ARL13B: variants seen among roughly 807,000 people sequenced by gnomAD.
The protein encoded by ARL13B is ADP-ribosylation factor-like protein 13B.
ARL13B carries 36 observed loss-of-function variants against 56.1 expected under a neutral mutation model. The observed-to-expected ratio is 0.64, with a 90% confidence interval of 0.49 to 0.85. ARL13B has a LOEUF of 0.85. ARL13B is among the 40% of genes least tolerant of loss of function. The probability of loss-of-function intolerance (pLI) is 0.00; values close to 1 mark genes in which losing one functional copy is unlikely to be tolerated. For synonymous variants in ARL13B, 178 were observed against 171.1 expected (o/e 1.04, Z -0.32); for missense variants, 519 against 507.1 (o/e 1.02, Z -0.23).
chr3:93,981,703 G>A (rs1710223842), intron 1 of ARL13B, among the ~76,000 whole-genome samples: 1 of 151,612 alleles, frequency 6.6e-6, no homozygotes, highest in Non-Finnish European at 1.5e-5. Context: ...TCAATATGGC[G>A]AAACCCCGTT....
rs775916770 is a variant in ARL13B, at chr3:94,014,825, A to G, written c.380+10917A>G. On this transcript the variant is annotated intron_variant, in intron 3 of 9. Transcript: ENST00000394222. Reference sequence around the variant, plus strand: ...GCTGCTATTGTGTCATTGTATATAAACATGATTTGCTGAAAATGGCGGAAC... The same window carrying G: ...GCTGCTATTGTGTCATTGTATATAAGCATGATTTGCTGAAAATGGCGGAAC... The G allele has an allele frequency of 8.7e-6, 14 of 1,614,114 alleles. No individual in the cohort carries two copies. The highest frequency in any genetic ancestry group is 1.2e-5 in the Non-Finnish European group (14 of 1,179,984).
chr3:94,055,626 C>G lies in ARL13B; in HGVS notation c.*2363C>G, dbSNP rs146137797. The G allele has an allele frequency of 6.0e-3, 2,737 of 453,658 alleles. 15 individuals are homozygous for G. The highest frequency in any genetic ancestry group is 8.4e-3 in the Non-Finnish European group (1,902 of 226,572). The allele number at this position is 453,658 out of a possible 1,614,324, so 28.1% of individuals were successfully genotyped here. A position where few individuals can be genotyped will look rare whatever the true frequency, so the allele number is the denominator to read the frequency against. ...TGTAAAATGCATATTACGTAGTATA[C>G]ATGATATTGTATGTAACTGACTTCA... On this transcript the variant is annotated 3_prime_UTR_variant, in exon 10 of 10. Transcript: ENST00000394222.
chr3:94,047,116 A>T (rs2076996502), intron 7 of ARL13B, among the ~76,000 whole-genome samples: 1 of 152,228 alleles, frequency 6.6e-6, no homozygotes, highest in African/African-American at 2.4e-5. Context: ...AGTGTCAGCC[A>T]CATGAGATGC....
chr3:94,010,545 A>T (rs747956501), intron 3 of ARL13B, among the ~76,000 whole-genome samples: 1 of 151,846 alleles, frequency 6.6e-6, no homozygotes, highest in Non-Finnish European at 1.5e-5. Flanking sequence ...TCTTTTAATA[A>T]TTTTTTCCCT....
At chr3:94,041,287 A>G (rs532423021) in intron 6 of ARL13B, among the ~76,000 whole-genome samples, 9 of 152,304 alleles carry the variant, frequency 5.9e-5, no homozygotes, top group South Asian at 4.1e-4. Context: ...TGAGCATTTT[A>G]GTACAAGATA....
At chr3:94,046,329 T>A (rs2076984158) in intron 7 of ARL13B, among the ~76,000 whole-genome samples, 1 of 152,054 alleles carries the variant, frequency 6.6e-6, no homozygotes, top group South Asian at 2.1e-4. Context: ...CTGCTTTATA[T>A]CATTTATATT....
At chr3:94,039,289 A>G (rs1187448874) in intron 5 of ARL13B, among the ~76,000 whole-genome samples, 4 of 152,134 alleles carry the variant, frequency 2.6e-5, no homozygotes, top group African/African-American at 9.7e-5. Context: ...TCACAGGGTC[A>G]GGAGATCGAG....
At chr3:94,052,095 C>T (rs1244396862) in intron 9 of ARL13B, among the ~76,000 whole-genome samples, 1 of 151,830 alleles carries the variant, frequency 6.6e-6, no homozygotes, top group Non-Finnish European at 1.5e-5. Context: ...AACTTGTGTA[C>T]GTTAGAATAC....
intron 3 of ARL13B, chr3:94,014,728 T>C (rs1330274671): frequency 1.2e-6 from 2 of 1,613,012 alleles, no homozygotes; most frequent in Admixed American, 3.3e-5. Context: ...ATCATTTACA[T>C]CTTCTTCAGA....
chr3:94,035,442 G>GTTTT lies in ARL13B; in HGVS notation c.486+19_486+22dup. 29 of 1,284,980 alleles carry GTTTT rather than the reference G, an allele frequency of 2.3e-5. No homozygotes were observed. The highest frequency in any genetic ancestry group is 5.1e-5 in the East Asian group (2 of 39,078). 79.6% of individuals were successfully genotyped at this position (1,284,980 alleles called of 1,614,324 possible). On this transcript the variant is annotated splice_region_variant and intron_variant, in intron 4 of 9. Transcript: ENST00000394222. The stretch of plus-strand genomic sequence containing the variant: ...ACAAGTGCCTGTGTCAGATAGTAAG[G>GTTTT]TTTTTTTTTTTTTTTTAATTTTAAT...
At chr3:94,050,265 C>A (rs1284529332) in intron 8 of ARL13B, among the ~76,000 whole-genome samples, 1 of 151,826 alleles carries the variant, frequency 6.6e-6, no homozygotes, top group African/African-American at 2.4e-5. Context: ...AATATACATA[C>A]CCATGTCCTA....
intron 2 of ARL13B, among the ~76,000 whole-genome samples, chr3:94,003,415 AC>A (rs1273154819): frequency 1.3e-5 from 2 of 152,184 alleles, no homozygotes; most frequent in African/African-American, 2.4e-5. Context: ...ACAGATACTT[AC>A]TAAGTACCTA....
chr3:94,049,410 T>A lies in ARL13B; in HGVS notation c.1029T>A (p.Asn343Lys). The A allele has an allele frequency of 6.3e-7, 1 of 1,576,822 alleles. No homozygotes were observed. The highest frequency in any genetic ancestry group is 1.4e-5 in the African/African-American group (1 of 73,932). Residue 343 changes from asparagine to lysine, a missense_variant, in exon 8 of 10, where the codon AAT (asparagine) becomes AAA (lysine). Transcript: ENST00000394222. Reference sequence around the variant, plus strand: ...TTCATGTTTATATTCTTGTAGCTAATGGTAAAAAGAAAACTAAGAAACTAA... The same window carrying A: ...TTCATGTTTATATTCTTGTAGCTAAAGGTAAAAAGAAAACTAAGAAACTAA... The part of the protein sequence containing the change: ...ETDRPSLESA[N>K]GKKKTKKLRM...
At chr3:93,982,591 A>AT (rs1453547649) in intron 1 of ARL13B, among the ~76,000 whole-genome samples, 1 of 152,216 alleles carries the variant, frequency 6.6e-6, no homozygotes, top group African/African-American at 2.4e-5. Flanking sequence ...AAAAAATGAG[A>AT]TTACTAGAGA....
chr3:94,053,443 T>TA lies in ARL13B; in HGVS notation c.*187dup, dbSNP rs1206552826. On this transcript the variant is annotated 3_prime_UTR_variant, in exon 10 of 10. Coordinates refer to ENST00000394222, the MANE Select transcript of ARL13B (RefSeq NM_001174150.2). The stretch of plus-strand genomic sequence containing the variant: ...ATTACTTATTTGTGTTTTTCATGGT[T>TA]AAAAAAATAAAAGAAGCACAATGAC... The TA allele has an allele frequency of 2.8e-6, 2 of 708,322 alleles. No individual in the cohort carries two copies. The highest frequency in any genetic ancestry group is 2.0e-5 in the Admixed American group (1 of 49,558). 43.9% of individuals were successfully genotyped at this position (708,322 alleles called of 1,614,324 possible). A position where few individuals can be genotyped will look rare whatever the true frequency, so the allele number is the denominator to read the frequency against.
chr3:94,032,645 T>C (rs541180692), intron 3 of ARL13B, among the ~76,000 whole-genome samples: 6 of 152,070 alleles, frequency 3.9e-5, no homozygotes, highest in Non-Finnish European at 8.8e-5. Context: ...TACAGGCGCC[T>C]GCCACCACGC....
chr3:94,002,279 C>G (rs535334359), intron 2 of ARL13B, among the ~76,000 whole-genome samples: 3 of 152,200 alleles, frequency 2.0e-5, no homozygotes, highest in Non-Finnish European at 2.9e-5. Flanking sequence ...GTTACCCAGA[C>G]TAGTCTCAAA....
chr3:93,982,947 C>T (rs1710289326), intron 1 of ARL13B, among the ~76,000 whole-genome samples: 1 of 152,020 alleles, frequency 6.6e-6, no homozygotes, highest in South Asian at 2.1e-4. Flanking sequence ...ATGGTGTTCT[C>T]TATTTTTTCA....
At chr3:93,989,951 T>A (rs993471567) in intron 1 of ARL13B, among the ~76,000 whole-genome samples, 4 of 152,154 alleles carry the variant, frequency 2.6e-5, no homozygotes, top group African/African-American at 9.7e-5. Context: ...TCTGGAAAGG[T>A]TACATCATTA....
Sources: allele counts gnomAD v4.1 joint callset (sites outside exome capture counted in the v4.1 genomes callset), GRCh38; gene constraint gnomAD v4.1.1; transcripts MANE v1.5; gene names NCBI Gene and HGNC (gene_info 2026-07-23, HGNC 2026-07-21).